BCAS3: variants seen among roughly 807,000 people sequenced by gnomAD.
BCAS3 encodes the protein BCAS4/BCAS3 fusion.
A neutral mutation model predicts 116.1 loss-of-function variants in BCAS3; 53 were observed. The observed-to-expected ratio is 0.46, with a 90% CI of 0.37 to 0.57. The LOEUF (loss-of-function observed/expected upper bound fraction) is 0.57, where lower values mean the gene tolerates loss of function less well. BCAS3 is among the 20% of genes least tolerant of loss of function. The pLI is 0.00. For synonymous variants in BCAS3, 391 were observed against 408.2 expected, an observed-to-expected ratio of 0.96 and a Z score of 0.51; for missense variants, 917 against 1,165.4, an observed-to-expected ratio of 0.79 and a Z score of 3.10.
intron 22 of BCAS3, among the ~76,000 whole-genome samples, chr17:61,143,076 C>CAAAT (rs1284907332): frequency 2.0e-5 from 3 of 152,164 alleles, no homozygotes; most frequent in African/African-American, 7.2e-5. Context: ...AGTTAACTAT[C>CAAAT]AAATGCCCAT....
intron 14 of BCAS3, among the ~76,000 whole-genome samples, chr17:60,957,684 G>T (rs939417956): frequency 1.3e-5 from 2 of 152,072 alleles, no homozygotes; most frequent in African/African-American, 4.8e-5. Flanking sequence ...CCTCATTCCT[G>T]TTTTCCCTGC....
chr17:61,311,977 A>C (rs2054349641), intron 22 of BCAS3, among the ~76,000 whole-genome samples: 1 of 152,198 alleles, frequency 6.6e-6, no homozygotes, highest in Non-Finnish European at 1.5e-5. Context: ...ATGTGAGGTA[A>C]GTAGGTCATG....
In BCAS3 at chr17:61,068,674, A is replaced by G. The variant is rs1197992554; in HGVS notation, c.2030-6246A>G. ...AACTCTGCCCAAGATTGAAGACATA[A>G]GTTTTCACCGCCATTGGTCCCTAAA... On this transcript the variant is annotated intron_variant, in intron 19 of 23. Coordinates refer to ENST00000407086, the MANE Select transcript of BCAS3 (RefSeq NM_017679.5). The surrounding 1 kb of genome is among the most constrained non-coding windows in gnomAD (Gnocchi z 4.3). 6.6e-6 allele frequency among the ~76,000 whole-genome samples: 1 copy of G among 152,102 alleles called. No individual in the cohort carries two copies. The highest frequency in any genetic ancestry group is 1.5e-5 in the Non-Finnish European group (1 of 68,022).
At chr17:60,731,498 G>A (rs977916145) in intron 5 of BCAS3, among the ~76,000 whole-genome samples, 1 of 151,954 alleles carries the variant, frequency 6.6e-6, no homozygotes, top group Non-Finnish European at 1.5e-5. Context: ...CAGGCATCCT[G>A]GCCTTAATGT....
chr17:60,995,462 G>A lies in BCAS3; in HGVS notation c.1486+5227G>A, dbSNP rs1004407147. On this transcript the variant is annotated intron_variant, in intron 15 of 23. Transcript: ENST00000407086. This position sits in a 1 kb window ranked among gnomAD's most constrained non-coding sequence, Gnocchi z 4.7. ...CAGACATGAGCCACCGCGCCCAGCC[G>A]AATTTTTGTATTTTAAGTAGAGACT... is the stretch of plus-strand genomic sequence containing the variant. Among the ~76,000 whole-genome samples the A allele has an allele frequency of 6.6e-6, 1 of 150,912 alleles. No homozygotes were observed. Among genetic ancestry groups the A allele is most frequent in the Admixed American group, 6.6e-5 (1 of 15,158 alleles).
chr17:60,927,396 C>T lies in BCAS3; in HGVS notation c.1087+2896C>T, dbSNP rs138165322. Among the ~76,000 whole-genome samples, 831 of 152,244 alleles carry T rather than the reference C, an allele frequency of 5.5e-3. 8 individuals are homozygous for T. Among genetic ancestry groups the T allele is most frequent in the African/African-American group, 0.019 (785 of 41,556 alleles). On this transcript the variant is annotated intron_variant, in intron 13 of 23. Coordinates refer to ENST00000407086, the MANE Select transcript of BCAS3 (RefSeq NM_017679.5). The stretch of plus-strand genomic sequence containing the variant: ...TCAGCCTGCCAAGTAGCTGGGACTA[C>T]AGGCGTGTACCACGCCCAGCTAATT...
intron 22 of BCAS3, among the ~76,000 whole-genome samples, chr17:61,289,997 G>A (rs553494804): frequency 4.3e-4 from 65 of 152,290 alleles, no homozygotes; most frequent in African/African-American, 1.5e-3. Flanking sequence ...AGTGCTGATA[G>A]CCAAAAGGTC....
intron 16 of BCAS3, among the ~76,000 whole-genome samples, chr17:61,027,778 GA>G (rs1273863960): frequency 1.3e-5 from 2 of 151,890 alleles, no homozygotes; most frequent in South Asian, 4.2e-4. Context: ...GACTCACTAT[GA>G]GTATTAAATA....
At chr17:61,206,824 A>AAAAT (rs2081166773) in intron 22 of BCAS3, among the ~76,000 whole-genome samples, 2 of 150,688 alleles carry the variant, frequency 1.3e-5, no homozygotes, top group African/African-American at 4.9e-5. Flanking sequence ...AAAAAAAAAA[A>AAAAT]AAAAATTGTG....
chr17:61,272,425 G>T (rs2144635109), intron 22 of BCAS3, among the ~76,000 whole-genome samples: 1 of 151,852 alleles, frequency 6.6e-6, no homozygotes, highest in South Asian at 2.1e-4. Flanking sequence ...TTGAGCTCAG[G>T]AGCTCGAGAC....
At chr17:61,179,587 G>A (rs924762326) in intron 22 of BCAS3, among the ~76,000 whole-genome samples, 6 of 152,132 alleles carry the variant, frequency 3.9e-5, no homozygotes, top group Admixed American at 6.6e-5. Flanking sequence ...TGCTCATCTT[G>A]TAGCTTTACT....
At chr17:60,871,863 A>G (rs2055136441) in intron 8 of BCAS3, among the ~76,000 whole-genome samples, 1 of 151,174 alleles carries the variant, frequency 6.6e-6, no homozygotes, top group African/African-American at 2.4e-5. Context: ...TTTTTGTTTC[A>G]TTCATTAGAC....
At chr17:60,787,358 C>A (rs981506192) in intron 6 of BCAS3, among the ~76,000 whole-genome samples, 2 of 152,070 alleles carry the variant, frequency 1.3e-5, no homozygotes, top group African/African-American at 4.8e-5. Context: ...AGAGTTTTCC[C>A]TGCTTTTGAT....
intron 13 of BCAS3, among the ~76,000 whole-genome samples, chr17:60,943,716 T>C (rs974344663): frequency 6.6e-6 from 1 of 152,098 alleles, no homozygotes; most frequent in African/African-American, 2.4e-5. Context: ...TAGAATATAT[T>C]CTAGGTGTTC....
At chr17:60,682,862 G>A (rs2143805451) in intron 2 of BCAS3, among the ~76,000 whole-genome samples, 1 of 152,260 alleles carries the variant, frequency 6.6e-6, no homozygotes, top group East Asian at 1.9e-4. Context: ...TCCACTTGCT[G>A]AAATTTACGT....
intron 7 of BCAS3, among the ~76,000 whole-genome samples, chr17:60,856,341 C>A (rs189241566): frequency 2.0e-5 from 3 of 151,996 alleles, no homozygotes; most frequent in African/African-American, 7.3e-5. Flanking sequence ...ATATGAAAAT[C>A]CAAAAAAGTT....
chr17:61,077,606 G>A lies in BCAS3; in HGVS notation c.2131-727G>A, dbSNP rs150885714. Among the ~76,000 whole-genome samples the A allele has an allele frequency of 6.6e-6, 1 of 152,130 alleles. No homozygotes were observed. Among genetic ancestry groups the A allele is most frequent in the Non-Finnish European group, 1.5e-5 (1 of 68,024 alleles). ...AGCGTGAAATTCATAAAGCATTTTG[G>A]TATTACTGTTTTGTAGCACATCAAA... On this transcript the variant is annotated intron_variant, in intron 20 of 23. Coordinates refer to ENST00000407086, the MANE Select transcript of BCAS3 (RefSeq NM_017679.5). The surrounding 1 kb of genome is among the most constrained non-coding windows in gnomAD (Gnocchi z 4.3).
intron 16 of BCAS3, chr17:61,027,011 A>G (rs1020481979): frequency 2.5e-5 from 24 of 971,208 alleles, no homozygotes; most frequent in Non-Finnish European, 3.5e-5. Context: ...CTGATCACAG[A>G]TAGATGCACC....
At chr17:60,935,741 G>GT (rs567766867) in intron 13 of BCAS3, among the ~76,000 whole-genome samples, 80 of 152,074 alleles carry the variant, frequency 5.3e-4, no homozygotes, top group Non-Finnish European at 1.0e-3. Context: ...TTGTTACTTA[G>GT]TTACTTACTT....
Sources: allele counts gnomAD v4.1 joint callset (sites outside exome capture counted in the v4.1 genomes callset), GRCh38; gene constraint gnomAD v4.1.1; non-coding constraint Gnocchi (gnomAD v3.1); transcripts MANE v1.5; gene names NCBI Gene and HGNC (gene_info 2026-07-23, HGNC 2026-07-21).